The following PTPRE variants were observed in gnomAD, a reference collection of about 807,000 sequenced individuals.
PTPRE encodes the protein protein tyrosine phosphatase receptor type E, also known as receptor-type tyrosine-protein phosphatase epsilon.
In PTPRE, 51 loss-of-function variants were observed where a neutral mutation model predicts 102.0. The observed-to-expected ratio is 0.50, with a 90% CI of 0.40 to 0.63. The LOEUF is 0.63. Among genes scored for constraint, PTPRE ranks in the 30% least tolerant of loss-of-function variants. The pLI is 0.00. For synonymous variants in PTPRE, 345 were observed against 348.2 expected (o/e 0.99, Z 0.10); for missense variants, 752 against 915.1 (o/e 0.82, Z 2.30).
intron 2 of PTPRE, among the ~76,000 whole-genome samples, chr10:127,986,013 C>G (rs1852058454): frequency 1.3e-5 from 2 of 151,942 alleles, no homozygotes; most frequent in Non-Finnish European, 2.9e-5. Context: ...ATTGCTTAAA[C>G]CTTGGAGGCG....
rs61873685 is a variant in PTPRE, at chr10:127,944,473, T to C, written c.-31+37164T>C. On this transcript the variant is annotated intron_variant, in intron 1 of 20. Transcript: ENST00000254667. The surrounding 1 kb of genome is among the most constrained non-coding windows in gnomAD (Gnocchi z 4.2). ...ATGGATGGATACATGGACAGACGGA[T>C]GGATGGATGGATGGATGGATGGATG... Among the ~76,000 whole-genome samples the C allele has an allele frequency of 0.26, 24,764 of 96,642 alleles. 2,223 individuals carry two copies. The highest frequency in any genetic ancestry group is 0.38 in the East Asian group (1,350 of 3,556). 63.4% of individuals were successfully genotyped at this position (96,642 alleles called of 152,430 possible). A position where few individuals can be genotyped will look rare whatever the true frequency, so the allele number is the denominator to read the frequency against.
intron 2 of PTPRE, among the ~76,000 whole-genome samples, chr10:128,031,704 A>G (rs6482648): frequency 0.034 from 5,128 of 152,286 alleles, 291 homozygotes; most frequent in African/African-American, 0.12. Flanking sequence ...GCAAGGCTAC[A>G]TTCCTTACCT....
At chr10:128,058,365 C>T (rs1240445906) in intron 7 of PTPRE, among the ~76,000 whole-genome samples, 3 of 152,236 alleles carry the variant, frequency 2.0e-5, no homozygotes, top group Non-Finnish European at 4.4e-5. Context: ...GCATTTCCTC[C>T]AAGCCTGAAA....
chr10:128,068,485 A>T, intron 12 of PTPRE, 199 bp downstream of exon 12: 1 of 511,134 alleles, frequency 2.0e-6, no homozygotes, highest in South Asian at 5.1e-5. Context: ...TCTTCATCCC[A>T]GTCGATAAAA....
chr10:127,908,100 C>A (rs1426604884), intron 1 of PTPRE, among the ~76,000 whole-genome samples: 1 of 152,206 alleles, frequency 6.6e-6, no homozygotes, highest in East Asian at 1.9e-4. Flanking sequence ...GCATGCAAAC[C>A]TTTCCAGAAA....
At chr10:127,952,975 T>A (rs556000435) in intron 1 of PTPRE, among the ~76,000 whole-genome samples, 50 of 152,330 alleles carry the variant, frequency 3.3e-4, no homozygotes, top group African/African-American at 1.2e-3. Flanking sequence ...TCCAGTGGTA[T>A]GGGGCATGTC....
At chr10:128,025,500 T>G (rs777605592) in intron 2 of PTPRE, among the ~76,000 whole-genome samples, 1 of 152,186 alleles carries the variant, frequency 6.6e-6, no homozygotes, top group African/African-American at 2.4e-5. Flanking sequence ...ACGAGTAAAC[T>G]GCAGACATCA....
At chr10:127,991,554 G>A (rs142499397) in intron 2 of PTPRE, among the ~76,000 whole-genome samples, 1 of 152,318 alleles carries the variant, frequency 6.6e-6, no homozygotes, top group African/African-American at 2.4e-5. Context: ...TAGAAAAGGA[G>A]CCTGTCTCAT....
At chr10:128,032,712 G>A (rs988657623) in intron 2 of PTPRE, among the ~76,000 whole-genome samples, 2 of 152,220 alleles carry the variant, frequency 1.3e-5, no homozygotes, top group African/African-American at 4.8e-5. Context: ...ACCATGGCCT[G>A]TGAGATGCCA....
intron 17 of PTPRE, among the ~76,000 whole-genome samples, chr10:128,074,986 T>G (rs1590238770): frequency 7.0e-6 from 1 of 143,668 alleles, no homozygotes; most frequent in Non-Finnish European, 1.5e-5. Flanking sequence ...TAAAACATCT[T>G]TTAAAATCAC....
At chr10:127,933,447 A>G (rs925785344) in intron 1 of PTPRE, among the ~76,000 whole-genome samples, 2 of 152,222 alleles carry the variant, frequency 1.3e-5, no homozygotes, top group Non-Finnish European at 2.9e-5. Flanking sequence ...ATAAATTAAG[A>G]TAATTTTCTC....
intron 2 of PTPRE, among the ~76,000 whole-genome samples, chr10:127,987,124 G>A (rs530046268): frequency 6.6e-6 from 1 of 152,134 alleles, no homozygotes; most frequent in Admixed American, 6.5e-5. Context: ...CCCCCGGAAA[G>A]TTTCCACATT....
chr10:128,055,204 G>A (rs183238004), intron 6 of PTPRE, among the ~76,000 whole-genome samples: 1 of 152,320 alleles, frequency 6.6e-6, no homozygotes, highest in Non-Finnish European at 1.5e-5. Flanking sequence ...TCAAAGGACA[G>A]GACTCAGGGC....
At chr10:127,996,531 C>A (rs1415040668) in intron 2 of PTPRE, among the ~76,000 whole-genome samples, 1 of 152,210 alleles carries the variant, frequency 6.6e-6, no homozygotes, top group Non-Finnish European at 1.5e-5. Flanking sequence ...GAATGTATGC[C>A]CCTGCAGCTT....
intron 1 of PTPRE, among the ~76,000 whole-genome samples, chr10:127,973,741 C>T (rs994558310): frequency 6.6e-6 from 1 of 152,188 alleles, no homozygotes; most frequent in Admixed American, 6.5e-5. Context: ...CCTCTGCATG[C>T]CTGTGAAGGA....
chr10:128,080,607 T>A (rs1851619798), intron 20 of PTPRE, among the ~76,000 whole-genome samples: 1 of 152,214 alleles, frequency 6.6e-6, no homozygotes, highest in African/African-American at 2.4e-5. Context: ...GTCTGGCCAA[T>A]ATATTCTATC....
intron 1 of PTPRE, among the ~76,000 whole-genome samples, chr10:127,948,414 A>G (rs1848780376): frequency 6.6e-6 from 1 of 152,150 alleles, no homozygotes; most frequent in Non-Finnish European, 1.5e-5. Context: ...GGTGTTGTAC[A>G]TTCTATGCAT....
intron 1 of PTPRE, among the ~76,000 whole-genome samples, chr10:127,957,711 G>A (rs1321494268): frequency 2.6e-5 from 4 of 152,126 alleles, no homozygotes; most frequent in Admixed American, 2.6e-4. Context: ...ATAAACTTTA[G>A]TATCAGTTTG....
In PTPRE at chr10:128,009,346, G is replaced by A. The variant is rs117898916; in HGVS notation, c.-8+27050G>A. On this transcript the variant is annotated intron_variant, in intron 2 of 20. Transcript: ENST00000254667. ...TTCCAGAAAAGGGTAAAACATCAAC[G>A]GCAGGTGAGCTTGATGTTCTGTTAA... 1.6e-3 allele frequency among the ~76,000 whole-genome samples: 245 copies of A among 152,314 alleles called. 2 individuals are homozygous for A. In the South Asian group the frequency reaches 0.017, roughly 11 times the overall value.
Sources: allele counts gnomAD v4.1 joint callset (sites outside exome capture counted in the v4.1 genomes callset), GRCh38; gene constraint gnomAD v4.1.1; non-coding constraint Gnocchi (gnomAD v3.1); transcripts MANE v1.5; gene names NCBI Gene and HGNC (gene_info 2026-07-23, HGNC 2026-07-21).